CNTNAP2: variants seen among roughly 807,000 people sequenced by gnomAD.
CNTNAP2 encodes the protein contactin associated protein 2, also known as contactin-associated protein-like 2.
Under a neutral mutation model 155.2 loss-of-function variants are expected in CNTNAP2, and 98 were observed. The observed-to-expected ratio is 0.63, with a 90% confidence interval of 0.54 to 0.75. The LOEUF (loss-of-function observed/expected upper bound fraction) is 0.75, where lower values mean the gene tolerates loss of function less well. CNTNAP2 is among the 30% of genes least tolerant of loss of function. The pLI is 0.00. For synonymous variants in CNTNAP2, 651 were observed against 631.2 expected (o/e 1.03, Z -0.47); for missense variants, 1,727 against 1,688.1 (o/e 1.02, Z -0.40).
At chr7:146,522,715 T>A (rs1372558484) in intron 1 of CNTNAP2, among the ~76,000 whole-genome samples, 1 of 151,214 alleles carries the variant, frequency 6.6e-6, no homozygotes, top group Non-Finnish European at 1.5e-5. Context: ...TCTGACTTTG[T>A]GCTAGCAAAT....
At chr7:148,138,993 GCCAATGGTATCT>G (rs1390832933) in intron 16 of CNTNAP2, among the ~76,000 whole-genome samples, 2 of 152,068 alleles carry the variant, frequency 1.3e-5, no homozygotes, top group Non-Finnish European at 2.9e-5. Context: ...TTTTTGTATG[GCCAATGGTATCT>G]CCCTTTTGCT....
chr7:147,627,672 A>G (rs1584865482), intron 12 of CNTNAP2, among the ~76,000 whole-genome samples: 1 of 130,020 alleles, frequency 7.7e-6, no homozygotes, highest in Admixed American at 8.7e-5. Flanking sequence ...AGCCTGGGGG[A>G]CAGAGCGAGA....
chr7:147,530,841 G>A (rs1799419227), intron 11 of CNTNAP2, among the ~76,000 whole-genome samples: 1 of 152,190 alleles, frequency 6.6e-6, no homozygotes, highest in Non-Finnish European at 1.5e-5. Context: ...AGTCTCATCT[G>A]AGACAAGGCA....
At chr7:148,264,598 T>TC (rs1796633380) in intron 20 of CNTNAP2, among the ~76,000 whole-genome samples, 1 of 152,374 alleles carries the variant, frequency 6.6e-6, no homozygotes, top group Non-Finnish European at 1.5e-5. Context: ...CAACTTTTTT[T>TC]CCGGCAAATC....
At chr7:146,328,125 C>T (rs914961832) in intron 1 of CNTNAP2, among the ~76,000 whole-genome samples, 3 of 152,162 alleles carry the variant, frequency 2.0e-5, no homozygotes, top group African/African-American at 7.2e-5. Context: ...TGAGCTCAGC[C>T]TCTTGTCAGA....
intron 2 of CNTNAP2, among the ~76,000 whole-genome samples, chr7:146,833,737 A>T (rs1199556699): frequency 6.6e-6 from 1 of 152,162 alleles, no homozygotes; most frequent in Non-Finnish European, 1.5e-5. Context: ...ACACACAGGG[A>T]ACTTACATTA....
At chr7:146,628,079 T>C (rs1799449871) in intron 1 of CNTNAP2, among the ~76,000 whole-genome samples, 1 of 152,202 alleles carries the variant, frequency 6.6e-6, no homozygotes, top group Non-Finnish European at 1.5e-5. Flanking sequence ...AGAAAATCTA[T>C]GATATCCATA....
intron 1 of CNTNAP2, among the ~76,000 whole-genome samples, chr7:146,350,195 C>T (rs1175456594): frequency 6.6e-6 from 1 of 152,068 alleles, no homozygotes; most frequent in East Asian, 1.9e-4. Flanking sequence ...TCTAAACTTC[C>T]CTTCTCGCTT....
chr7:146,971,090 G>C (rs1797785815), intron 3 of CNTNAP2, among the ~76,000 whole-genome samples: 2 of 152,032 alleles, frequency 1.3e-5, no homozygotes, highest in Middle Eastern at 6.8e-3. Flanking sequence ...ATAGCTTTAG[G>C]AGATATACCT....
At chr7:147,884,539 A>G (rs1179996596) in intron 13 of CNTNAP2, among the ~76,000 whole-genome samples, 1 of 152,206 alleles carries the variant, frequency 6.6e-6, no homozygotes, top group Non-Finnish European at 1.5e-5. Context: ...AGAGCTTTGA[A>G]GAATTGCATT....
chr7:146,668,428 CTGTGTGTGTGTGTGTGTG>C lies in CNTNAP2; in HGVS notation c.98-105815_98-105798del, dbSNP rs573459590. Among the ~76,000 whole-genome samples, 624 of 115,558 alleles carry C rather than the reference CTGTGTGTGTGTGTGTGTG, an allele frequency of 5.4e-3. 6 individuals are homozygous for C. Among genetic ancestry groups the C allele is most frequent in the African/African-American group, 0.017 (583 of 33,892 alleles). The allele number at this position is 115,558 out of a possible 152,430, so 75.8% of individuals were successfully genotyped here. A position where few individuals can be genotyped will look rare whatever the true frequency, so the allele number is the denominator to read the frequency against. On this transcript the variant is annotated intron_variant, in intron 1 of 23. Coordinates refer to ENST00000361727, the MANE Select transcript of CNTNAP2 (RefSeq NM_014141.6). Reference sequence around the variant, plus strand: ...TCAGAGGTATTGGCCTGTAATTTTCCTGTGTGTGTGTGTGTGTGTGTGTGTGTGTGTGTGTGTGTGTGT... The same window carrying C: ...TCAGAGGTATTGGCCTGTAATTTTCCTGTGTGTGTGTGTGTGTGTGTGTGT...
chr7:148,309,423 C>A (rs563322402), intron 21 of CNTNAP2, among the ~76,000 whole-genome samples: 1 of 152,288 alleles, frequency 6.6e-6, no homozygotes, highest in South Asian at 2.1e-4. Context: ...TTTTCACTCA[C>A]GTCTGTGTGA....
chr7:147,505,751 C>T (rs1337437410), intron 11 of CNTNAP2, among the ~76,000 whole-genome samples: 2 of 152,204 alleles, frequency 1.3e-5, no homozygotes, highest in East Asian at 3.8e-4. Context: ...ACCTGTAGAG[C>T]TGTAGGTTAT....
At chr7:148,103,168 T>C (rs1450409219) in intron 15 of CNTNAP2, among the ~76,000 whole-genome samples, 1 of 151,858 alleles carries the variant, frequency 6.6e-6, no homozygotes, top group Non-Finnish European at 1.5e-5. Context: ...TGTCTGTCCT[T>C]TGTCCACAAG....
In CNTNAP2 at chr7:147,466,699, C is replaced by T. The variant is rs553361580; in HGVS notation, c.1671-19236C>T. On this transcript the variant is annotated intron_variant, in intron 10 of 23. Transcript: ENST00000361727. Reference sequence around the variant, plus strand: ...TGGGAGGCCAAGGTGGGCTGATCGCCTGAGGTCGGGAGTTTGAGACCAGCC... The same window carrying T: ...TGGGAGGCCAAGGTGGGCTGATCGCTTGAGGTCGGGAGTTTGAGACCAGCC... Among the ~76,000 whole-genome samples, 4 of 152,230 alleles carry T rather than the reference C, an allele frequency of 2.6e-5. No homozygotes were observed. In the South Asian group the frequency reaches 8.3e-4, roughly 32 times the overall value.
chr7:147,051,973 G>A (rs1157241554), intron 4 of CNTNAP2, among the ~76,000 whole-genome samples: 2 of 152,158 alleles, frequency 1.3e-5, no homozygotes, highest in East Asian at 3.9e-4. Flanking sequence ...TGTGTTTTAT[G>A]CTCCAAATAT....
intron 21 of CNTNAP2, among the ~76,000 whole-genome samples, chr7:148,338,083 T>C (rs186858681): frequency 1.2e-4 from 18 of 152,316 alleles, no homozygotes; most frequent in Non-Finnish European, 2.1e-4. Context: ...CATCCTTTGT[T>C]GTCCCCCTCA....
intron 3 of CNTNAP2, among the ~76,000 whole-genome samples, chr7:146,914,638 G>A (rs140437712): frequency 6.6e-6 from 1 of 151,874 alleles, no homozygotes; most frequent in African/African-American, 2.4e-5. Context: ...TCACTTTTTG[G>A]TGGGATTGTT....
chr7:146,482,401 A>T (rs142695850), intron 1 of CNTNAP2, among the ~76,000 whole-genome samples: 42 of 87,086 alleles, frequency 4.8e-4, no homozygotes, highest in South Asian at 8.0e-4. Flanking sequence ...TGTGTGTATT[A>T]TATATATATA....
Sources: allele counts gnomAD v4.1 joint callset (sites outside exome capture counted in the v4.1 genomes callset), GRCh38; gene constraint gnomAD v4.1.1; transcripts MANE v1.5; gene names NCBI Gene and HGNC (gene_info 2026-07-23, HGNC 2026-07-21).